The following MTA3 variants were observed in gnomAD, a reference collection of about 807,000 sequenced individuals.
MTA3 encodes the protein metastasis-associated protein MTA3.
In MTA3, 34 loss-of-function variants were observed where a neutral mutation model predicts 83.5. The observed-to-expected ratio is 0.41, with a 90% CI of 0.31 to 0.54. The LOEUF (loss-of-function observed/expected upper bound fraction) is 0.54. Ranked by LOEUF, MTA3 falls within the 20% of genes least tolerant of loss-of-function variation. The pLI is 0.33. For synonymous variants in MTA3, 303 were observed against 252.7 expected, an observed-to-expected ratio of 1.20 and a Z score of -1.89; for missense variants, 761 against 726.4, an observed-to-expected ratio of 1.05 and a Z score of -0.55.
intron 4 of MTA3, among the ~76,000 whole-genome samples, chr2:42,622,731 A>G (rs1377940103): frequency 1.3e-5 from 2 of 151,916 alleles, no homozygotes; most frequent in Non-Finnish European, 2.9e-5. Context: ...GCCTCAAGTA[A>G]TCTTCCCACC....
intron 9 of MTA3, among the ~76,000 whole-genome samples, chr2:42,689,243 TAAGGATG>T (rs1692664835): frequency 1.3e-5 from 2 of 152,248 alleles, no homozygotes. Context: ...AGTATTTTGT[TAAGGATG>T]TTTGCATCTG....
intron 8 of MTA3, among the ~76,000 whole-genome samples, chr2:42,677,280 C>T (rs925276441): frequency 1.3e-5 from 2 of 152,068 alleles, no homozygotes; most frequent in African/African-American, 4.8e-5. Context: ...ATCATGGGGG[C>T]AGGTCTTTCC....
chr2:42,633,545 C>T (rs1686886587), intron 4 of MTA3, among the ~76,000 whole-genome samples: 1 of 152,174 alleles, frequency 6.6e-6, no homozygotes, highest in South Asian at 2.1e-4. Context: ...CGCCACTGCA[C>T]TCTGACCTGG....
Position 42,574,648 on chromosome 2 carries a change from A to G in MTA3, c.96+4144A>G, listed in dbSNP as rs1052524033. ...AAGACAGGGTTTCACCATGTTGGCC[A>G]GGCTGGTCATCAAGTGATCCACCCG... is the stretch of plus-strand genomic sequence containing the variant. On this transcript the variant is annotated intron_variant, in intron 2 of 16. Transcript: ENST00000405094. 3.3e-5 allele frequency among the ~76,000 whole-genome samples: 5 copies of G among 151,984 alleles called. No individual in the cohort carries two copies. In the South Asian group the frequency reaches 1.0e-3, roughly 32 times the overall value.
chr2:42,521,543 C>T (rs1036391186), intron 2 of MTA3, among the ~76,000 whole-genome samples: 3 of 152,102 alleles, frequency 2.0e-5, no homozygotes, highest in African/African-American at 7.2e-5. Flanking sequence ...TCATGGGCAA[C>T]TCAAACTAGT....
At chr2:42,716,488 C>T (rs1558614423) in intron 14 of MTA3, among the ~76,000 whole-genome samples, 1 of 152,172 alleles carries the variant, frequency 6.6e-6, no homozygotes, top group Non-Finnish European at 1.5e-5. Context: ...TCTCACCCTC[C>T]ACCCTCCAAT....
At chr2:42,548,026 A>C (rs1281047315) in intron 2 of MTA3, among the ~76,000 whole-genome samples, 1 of 152,242 alleles carries the variant, frequency 6.6e-6, no homozygotes, top group Non-Finnish European at 1.5e-5. Context: ...AAATAAGATA[A>C]GCTGCCCTGT....
chr2:42,571,251 T>A (rs1373991232), intron 2 of MTA3, among the ~76,000 whole-genome samples: 2 of 151,180 alleles, frequency 1.3e-5, no homozygotes, highest in African/African-American at 2.4e-5. Context: ...ACAAAAAAAT[T>A]AGCTAGGCAT....
intron 9 of MTA3, among the ~76,000 whole-genome samples, chr2:42,694,686 C>G (rs1693221332): frequency 1.3e-5 from 2 of 152,188 alleles, no homozygotes; most frequent in African/African-American, 4.8e-5. Flanking sequence ...TCCTGTCTTC[C>G]TCAATGCCTC....
chr2:42,541,486 T>A (rs1231971856), intron 2 of MTA3, among the ~76,000 whole-genome samples: 1 of 152,232 alleles, frequency 6.6e-6, no homozygotes, highest in Non-Finnish European at 1.5e-5. Flanking sequence ...ATACATTCCA[T>A]GAGATAGTCA....
At position 42,549,909 on chromosome 2, in the gene MTA3, G is replaced by T. The variant is rs374541928; in HGVS notation, c.-140-20528G>T. ...TCCTCCCTTCCTCCAGTGTATCCAG[G>T]CTGTACCTGCTCATTAGTCACTTAG... On this transcript the variant is annotated intron_variant, in intron 2 of 17. Transcript: ENST00000405592. 4.0e-5 allele frequency among the ~76,000 whole-genome samples: 6 copies of T among 151,192 alleles called. No homozygotes were observed. The East Asian group carries it at 1.2e-3, about 29-fold the overall frequency.
chr2:42,737,872 C>A (rs1383346692), intron 16 of MTA3, among the ~76,000 whole-genome samples: 2 of 152,054 alleles, frequency 1.3e-5, no homozygotes, highest in African/African-American at 2.4e-5. Context: ...ACAGGCATAC[C>A]TCAGAGATAC....
rs998971548 is a variant in MTA3 at position 42,585,319 on chromosome 2, C to G, written c.190+6119C>G. 2.0e-5 allele frequency among the ~76,000 whole-genome samples: 3 copies of G among 151,950 alleles called. No homozygotes were observed. The East Asian group carries it at 5.8e-4, about 29-fold the overall frequency. ...GTCAGGGTGGTCTCGAACTCCCAAC[C>G]TCAGGTGATCTGCCCACCTCGGCCT... On this transcript the variant is annotated intron_variant, in intron 3 of 16. Transcript: ENST00000405094.
At chr2:42,534,726 G>A (rs545945078) in intron 2 of MTA3, among the ~76,000 whole-genome samples, 91 of 152,282 alleles carry the variant, frequency 6.0e-4, no homozygotes, top group African/African-American at 2.1e-3. Context: ...CTTCTGTCTT[G>A]TTTATTCTAC....
chr2:42,659,779 G>A lies in MTA3; in HGVS notation c.619G>A (p.Ala207Thr), dbSNP rs1428858810. 6.3e-7 allele frequency: 1 copy of A among 1,597,810 alleles called. No individual in the cohort carries two copies. Among genetic ancestry groups the A allele is most frequent in the Non-Finnish European group, 8.5e-7 (1 of 1,172,280 alleles). Residue 207 changes from alanine to threonine, a missense_variant, in exon 8 of 17, where the codon GCC becomes ACC. Transcript: ENST00000405094. Reference protein sequence around the residue: ...LVVARAVGTFARALDCSSSVR... With the variant: ...LVVARAVGTFTRALDCSSSVR... ...TTTATTCAGTGCTGTTGGGACATTC[G>A]CCAGAGCCCTGGATTGCAGCAGTTC...
intron 11 of MTA3, among the ~76,000 whole-genome samples, chr2:42,698,788 C>T (rs1379649981): frequency 6.6e-6 from 1 of 152,100 alleles, no homozygotes; most frequent in Non-Finnish European, 1.5e-5. Flanking sequence ...TCATATTGAT[C>T]TTTTACCACA....
At chr2:42,554,719 T>C (rs907776860) in intron 2 of MTA3, among the ~76,000 whole-genome samples, 1 of 152,160 alleles carries the variant, frequency 6.6e-6, no homozygotes, top group African/African-American at 2.4e-5. Context: ...ATATTCTAAA[T>C]AGAGGGACAT....
chr2:42,600,168 A>G (rs929391102), intron 3 of MTA3, among the ~76,000 whole-genome samples: 1 of 152,168 alleles, frequency 6.6e-6, no homozygotes, highest in African/African-American at 2.4e-5. Context: ...ACTGCACTCC[A>G]GCCTGGGCAA....
At chr2:42,611,796 CAG>C (rs1316673155) in intron 4 of MTA3, among the ~76,000 whole-genome samples, 3 of 152,068 alleles carry the variant, frequency 2.0e-5, no homozygotes, top group Non-Finnish European at 4.4e-5. Context: ...GCCTGGGGGA[CAG>C]AGTGAGACCC....
Sources: allele counts gnomAD v4.1 joint callset (sites outside exome capture counted in the v4.1 genomes callset), GRCh38; gene constraint gnomAD v4.1.1; transcripts MANE v1.5; gene names NCBI Gene and HGNC (gene_info 2026-07-23, HGNC 2026-07-21).